The following SNX9 variants were observed in gnomAD, a reference collection of about 807,000 sequenced individuals.
The protein encoded by SNX9 is sorting nexin 9, also known as sorting nexin-9.
In SNX9, 44 loss-of-function variants were observed where a neutral mutation model predicts 89.4. That is an observed-to-expected ratio of 0.49 (90% CI 0.39 to 0.63). The LOEUF (loss-of-function observed/expected upper bound fraction) is 0.63. SNX9 is among the 30% of genes least tolerant of loss of function. The pLI is 0.00. For missense variants in SNX9, 578 were observed against 736.1 expected (o/e 0.79, Z 2.49); for synonymous variants, 236 against 247.8 (o/e 0.95, Z 0.45).
intron 4 of SNX9, among the ~76,000 whole-genome samples, chr6:157,890,400 T>C (rs1298455402): frequency 6.6e-6 from 1 of 152,240 alleles, no homozygotes; most frequent in Non-Finnish European, 1.5e-5. Context: ...AGTCTCCCAA[T>C]GTCAAGCCTG....
chr6:157,939,697 C>G (rs1423235232), intron 16 of SNX9, among the ~76,000 whole-genome samples: 1 of 152,152 alleles, frequency 6.6e-6, no homozygotes, highest in Non-Finnish European at 1.5e-5. Flanking sequence ...AAACGAGGAA[C>G]CCTGATTGAA....
At chr6:157,878,851 C>G (rs1466814665) in intron 4 of SNX9, among the ~76,000 whole-genome samples, 1 of 152,178 alleles carries the variant, frequency 6.6e-6, no homozygotes, top group African/African-American at 2.4e-5. Context: ...CATATACATA[C>G]ACTCTTGCTA....
At chr6:157,850,129 C>G (rs558809976) in intron 1 of SNX9, among the ~76,000 whole-genome samples, 83 of 152,160 alleles carry the variant, frequency 5.5e-4, no homozygotes, top group African/African-American at 1.9e-3. Flanking sequence ...GAGAGTGTTT[C>G]AAGAAGGAAG....
intron 6 of SNX9, among the ~76,000 whole-genome samples, chr6:157,904,232 G>A (rs1011247281): frequency 1.2e-4 from 18 of 152,078 alleles, no homozygotes; most frequent in Non-Finnish European, 2.5e-4. Flanking sequence ...TCAGGAATTC[G>A]AGACCAGCCT....
intron 14 of SNX9, among the ~76,000 whole-genome samples, chr6:157,936,839 C>T (rs1783935705): frequency 6.6e-6 from 1 of 152,088 alleles, no homozygotes; most frequent in Non-Finnish European, 1.5e-5. Context: ...ATAATAAGTT[C>T]CCTTAAGAAG....
rs1359983 is a variant in SNX9, at chr6:157,828,148, T to G, written c.12+4702T>G. Among the ~76,000 whole-genome samples, 1,102 of 152,284 alleles carry G rather than the reference T, an allele frequency of 7.2e-3. 14 individuals are homozygous for G. Among genetic ancestry groups the G allele is most frequent in the African/African-American group, 0.025 (1,053 of 41,570 alleles). ...GTTGATTTTTATGGCTTTTAAAATG[T>G]TTGGAAAATGCTAACCATTTAACTT... On this transcript the variant is annotated intron_variant, in intron 1 of 17. Transcript: ENST00000392185.
chr6:157,844,596 TTTTG>T (rs1428319213), intron 1 of SNX9, among the ~76,000 whole-genome samples: 5 of 140,972 alleles, frequency 3.5e-5, no homozygotes, highest in African/African-American at 8.2e-5. Context: ...TGTTTTTTTT[TTTTG>T]TTTTTTTTTT....
chr6:157,870,375 G>A (rs900607198), intron 2 of SNX9, among the ~76,000 whole-genome samples: 2 of 150,518 alleles, frequency 1.3e-5, no homozygotes, highest in African/African-American at 2.5e-5. Flanking sequence ...GCACTCACCC[G>A]TGTGAGTGCA....
At chr6:157,920,594 TA>T (rs1411191641) in intron 9 of SNX9, among the ~76,000 whole-genome samples, 1 of 152,216 alleles carries the variant, frequency 6.6e-6, no homozygotes, top group African/African-American at 2.4e-5. Flanking sequence ...TCTTCAAGCA[TA>T]AACACTTCTC....
At chr6:157,913,544 CT>C (rs371628627) in intron 9 of SNX9, among the ~76,000 whole-genome samples, 6 of 152,144 alleles carry the variant, frequency 3.9e-5, no homozygotes, top group Non-Finnish European at 7.3e-5. Flanking sequence ...TAAATTCACT[CT>C]TTTTGGTGTA....
rs149165284 is a variant in SNX9, at chr6:157,831,744, A to C, written c.12+8298A>C. Among the ~76,000 whole-genome samples, 37 of 152,258 alleles carry C rather than the reference A, an allele frequency of 2.4e-4. No homozygotes were observed. In the East Asian group the frequency reaches 6.4e-3, roughly 26 times the overall value. ...GTGCTAACTCAGCAGTGTGTTTCAA[A>C]AGGTGTTTAGTTTGTATCTTTTGCT... On this transcript the variant is annotated intron_variant, in intron 1 of 17. Transcript: ENST00000392185.
In SNX9 at chr6:157,896,907, C is replaced by G; in HGVS notation, c.381C>G (p.Ala127=). 1 of 1,613,398 alleles carries G rather than the reference C, an allele frequency of 6.2e-7. No individual in the cohort carries two copies. The highest frequency in any genetic ancestry group is 8.5e-7 in the Non-Finnish European group (1 of 1,179,768). The change falls in exon 5 of 18, where the codon GCC becomes GCG. Residue 127 remains alanine (A), a synonymous_variant. Transcript: ENST00000392185. ...GGGAAAGCTCAGAAGGCTGGGGGGC[C>G]CAGCCAGAGGGGGCTGGAGCCCAAA... is the stretch of plus-strand genomic sequence containing the variant. ...GNWESSEGWG[A]QPEGAGAQRN...
chr6:157,840,443 T>TTTCCTTTCCTTCCTTCC (rs1781681141), intron 1 of SNX9, among the ~76,000 whole-genome samples: 2 of 150,408 alleles, frequency 1.3e-5, no homozygotes, highest in African/African-American at 4.9e-5. Flanking sequence ...CTTTCCTTTC[T>TTTCCTTTCCTTCCTTCC]TTCCTTTCCT....
chr6:157,890,154 G>A (rs547992280), intron 4 of SNX9, among the ~76,000 whole-genome samples: 1 of 152,314 alleles, frequency 6.6e-6, no homozygotes, highest in South Asian at 2.1e-4. Context: ...TCCACCTAGT[G>A]TACCAGGATT....
intron 4 of SNX9, among the ~76,000 whole-genome samples, chr6:157,885,866 G>C (rs923498480): frequency 6.6e-6 from 1 of 152,180 alleles, no homozygotes; most frequent in Admixed American, 6.5e-5. Context: ...AAGGAATTAG[G>C]TGGCCCATAA....
At chr6:157,844,678 G>A (rs1781770753) in intron 1 of SNX9, among the ~76,000 whole-genome samples, 2 of 147,154 alleles carry the variant, frequency 1.4e-5, no homozygotes, top group South Asian at 4.3e-4. Flanking sequence ...ACTGCAGCCT[G>A]CACCTCCCAA....
intron 1 of SNX9, among the ~76,000 whole-genome samples, chr6:157,848,169 T>G (rs974404708): frequency 3.3e-5 from 5 of 152,240 alleles, no homozygotes; most frequent in Non-Finnish European, 7.3e-5. Context: ...TTCCTGGCTT[T>G]TCACCACTAT....
At chr6:157,842,256 G>A (rs1781717176) in intron 1 of SNX9, among the ~76,000 whole-genome samples, 17 of 152,160 alleles carry the variant, frequency 1.1e-4, no homozygotes, top group Admixed American at 1.1e-3. Flanking sequence ...GTTGACATTT[G>A]TATGAGTCTG....
At chr6:157,941,256 C>T (rs930275977) in intron 17 of SNX9, among the ~76,000 whole-genome samples, 2 of 152,124 alleles carry the variant, frequency 1.3e-5, no homozygotes, top group South Asian at 4.1e-4. Context: ...CCCCCCGTCA[C>T]AGCCTCTCTG....
Sources: allele counts gnomAD v4.1 joint callset (sites outside exome capture counted in the v4.1 genomes callset), GRCh38; gene constraint gnomAD v4.1.1; transcripts MANE v1.5; gene names NCBI Gene and HGNC (gene_info 2026-07-23, HGNC 2026-07-21).